Variants in OXNAD1 observed in about 807,000 individuals in gnomAD.
OXNAD1 encodes the protein oxidoreductase NAD-binding domain-containing protein 1.
OXNAD1 carries 34 observed loss-of-function variants against 32.9 expected under a neutral mutation model. That is an observed-to-expected ratio of 1.03 (90% confidence interval 0.79 to 1.38). The LOEUF is 1.38. Among genes scored for constraint, OXNAD1 ranks in the 40% most tolerant of loss-of-function variants. The pLI is 0.00. For missense variants in OXNAD1, 407 were observed against 379.4 expected (o/e 1.07, Z -0.60); for synonymous variants, 134 against 135.2 (o/e 0.99, Z 0.06).
At position 16,329,335 on chromosome 3, in the gene OXNAD1, G is replaced by C. The variant is rs897448943; in HGVS notation, c.*31-7777G>C. ...AGCACAAGTGGACCGAGACAGGGCG[G>C]AAGTGGAGAAAGGGAAAGGGAAAGA... is the stretch of plus-strand genomic sequence containing the variant. On this transcript the variant is annotated intron_variant, in intron 9 of 9. Coordinates refer to the OXNAD1 transcript ENST00000435829. This position sits in a 1 kb window ranked among gnomAD's most constrained non-coding sequence, Gnocchi z 4.5. Among the ~76,000 whole-genome samples, 1 of 147,860 alleles carries C rather than the reference G, an allele frequency of 6.8e-6. No individual in the cohort carries two copies.
chr3:16,344,501 C>A lies in OXNAD1; in HGVS notation c.*31-4675C>A, dbSNP rs1450855673. 6.6e-6 allele frequency among the ~76,000 whole-genome samples: 1 copy of A among 152,048 alleles called. No individual in the cohort carries two copies. The highest frequency in any genetic ancestry group is 1.5e-5 in the Non-Finnish European group (1 of 68,010). On this transcript the variant is annotated intron_variant, in intron 9 of 9. Coordinates refer to the OXNAD1 transcript ENST00000606098. This position sits in a 1 kb window ranked among gnomAD's most constrained non-coding sequence, Gnocchi z 4.4. ...CAGACCTGCCCTGGCCTTCTTCCCC[C>A]TCGCCCAACTAGAATGCTTTATGTG...
chr3:16,315,872 T>G (rs2068332907), intron 9 of OXNAD1: 1 of 152,238 alleles, frequency 6.6e-6, no homozygotes, highest in Non-Finnish European at 1.5e-5. Context: ...ATAGATGATT[T>G]ATTGCCGTAA....
rs564448640 is a variant in OXNAD1 at position 16,327,872 on chromosome 3, C to T, written c.*31-9240C>T. Among the ~76,000 whole-genome samples the T allele has an allele frequency of 6.6e-6, 1 of 152,224 alleles. No individual in the cohort carries two copies. The highest frequency in any genetic ancestry group is 1.5e-5 in the Non-Finnish European group (1 of 68,036). On this transcript the variant is annotated intron_variant, in intron 9 of 9. Coordinates refer to the OXNAD1 transcript ENST00000435829. The surrounding 1 kb of genome is among the most constrained non-coding windows in gnomAD (Gnocchi z 4.2). ...ACCTCTGCAGGCGTTCTCACTGCAA[C>T]AGGCCTCATTTCTTACTACGGGTTC...
chr3:16,271,173 C>G lies in OXNAD1; in HGVS notation c.119+102C>G, dbSNP rs1410188090. The stretch of plus-strand genomic sequence containing the variant: ...TATCAAACTCCCGGAAAGGTAACAC[C>G]TTAGCTTCAATGTGCATGCTGTCAG... On this transcript the variant is annotated intron_variant, in intron 3 of 8. Coordinates refer to ENST00000285083, the MANE Select transcript of OXNAD1 (RefSeq NM_138381.5). This position sits in a 1 kb window ranked among gnomAD's most constrained non-coding sequence, Gnocchi z 4.6. 1.5e-6 allele frequency: 2 copies of G among 1,365,382 alleles called. No homozygotes were observed. Among genetic ancestry groups the G allele is most frequent in the Admixed American group, 4.1e-5 (2 of 48,994 alleles). The allele number at this position is 1,365,382 out of a possible 1,614,324, so 84.6% of individuals were successfully genotyped here. A position where few individuals can be genotyped will look rare whatever the true frequency, so the allele number is the denominator to read the frequency against.
intron 9 of OXNAD1, among the ~76,000 whole-genome samples, chr3:16,326,241 G>A (rs1246333157): frequency 6.6e-6 from 1 of 152,244 alleles, no homozygotes; most frequent in Admixed American, 6.5e-5. Flanking sequence ...TATAAGGAAT[G>A]CCGCACCAAG....
At chr3:16,286,239 A>G in intron 4 of OXNAD1, 103 bp from the exon 5 acceptor site, 2 of 875,280 alleles carry the variant, frequency 2.3e-6, no homozygotes, top group Non-Finnish European at 3.7e-6. Context: ...TTCAAAAACC[A>G]CATCTTTGTA....
rs2068033877 is a variant in OXNAD1, at chr3:16,312,334, A to G, written c.*30+8742A>G. On this transcript the variant is annotated intron_variant, in intron 9 of 9. Coordinates refer to the OXNAD1 transcript ENST00000435829. This position sits in a 1 kb window ranked among gnomAD's most constrained non-coding sequence, Gnocchi z 4.7. Reference sequence around the variant, plus strand: ...GGTTTTGGCGGGTCATAGTGCAGGCAGAGCACTAATCACCAGGGGCCCACC... The same window carrying G: ...GGTTTTGGCGGGTCATAGTGCAGGCGGAGCACTAATCACCAGGGGCCCACC... 6.6e-6 allele frequency among the ~76,000 whole-genome samples: 1 copy of G among 152,192 alleles called. No homozygotes were observed. The highest frequency in any genetic ancestry group is 2.4e-5 in the African/African-American group (1 of 41,436).
chr3:16,273,989 A>T (rs1182099914), intron 4 of OXNAD1, among the ~76,000 whole-genome samples: 1 of 152,186 alleles, frequency 6.6e-6, no homozygotes, highest in East Asian at 1.9e-4. Context: ...TAAAATATAC[A>T]TAAGTGGGAA....
In OXNAD1 at chr3:16,269,209, A is replaced by T. The variant is rs2064762942; in HGVS notation, c.-75A>T. The stretch of plus-strand genomic sequence containing the variant: ...CCAAAAGTCTCAGTGTAATAGCAGG[A>T]CCAAAATATTCTGTCAATCAGCTGA... On this transcript the variant is annotated 5_prime_UTR_variant, in exon 2 of 9. Transcript: ENST00000285083. 10 of 1,534,198 alleles carry T rather than the reference A, an allele frequency of 6.5e-6. No homozygotes were observed. The highest frequency in any genetic ancestry group is 1.7e-4 in the Middle Eastern group (1 of 6,008).
intron 9 of OXNAD1, among the ~76,000 whole-genome samples, chr3:16,333,626 A>G (rs970113400): frequency 4.6e-5 from 7 of 152,234 alleles, no homozygotes; most frequent in African/African-American, 1.7e-4. Context: ...CTTAGAATCC[A>G]GAAACCAAAA....
intron 9 of OXNAD1, chr3:16,347,754 C>T (rs755745609): frequency 1.3e-5 from 2 of 152,306 alleles, no homozygotes; most frequent in South Asian, 4.1e-4. Flanking sequence ...GCACTGTAAG[C>T]ATTTTGTTTA....
chr3:16,324,511 G>A (rs913582465), intron 9 of OXNAD1, among the ~76,000 whole-genome samples: 3 of 151,628 alleles, frequency 2.0e-5, no homozygotes, highest in Non-Finnish European at 2.9e-5. Flanking sequence ...TAGATTCCAC[G>A]TATGAGAGAG....
Position 16,335,853 on chromosome 3 carries a change from CTGGA to C in OXNAD1, c.*31-1247_*31-1244del, listed in dbSNP as rs1274700621. Among the ~76,000 whole-genome samples, 5 of 151,362 alleles carry C rather than the reference CTGGA, an allele frequency of 3.3e-5. No homozygotes were observed. Among genetic ancestry groups the C allele is most frequent in the African/African-American group, 1.2e-4 (5 of 41,086 alleles). ...GGGCAAGTCACAAGGAGCCTGGAAA[CTGGA>C]TGGATGGATGGTGAGGTCTCAGGAG... is the stretch of plus-strand genomic sequence containing the variant. On this transcript the variant is annotated intron_variant, in intron 9 of 9. Transcript: ENST00000435829. This position sits in a 1 kb window ranked among gnomAD's most constrained non-coding sequence, Gnocchi z 4.7.
chr3:16,309,369 T>C (rs1378349296), downstream of OXNAD1, among the ~76,000 whole-genome samples: 5 of 152,232 alleles, frequency 3.3e-5, no homozygotes, highest in Admixed American at 6.5e-5. Context: ...CTAATCAGTT[T>C]ATATTCTAAC....
chr3:16,345,794 G>GTGTGTGTC lies in OXNAD1; in HGVS notation c.*31-3375_*31-3374insCTGTGTGT. ...AAAACCTTATAATAAATCTCTGTGT[G>GTGTGTGTC]TGTGTGTGTGTGTGTGTGTGTGTGC... On this transcript the variant is annotated intron_variant, in intron 9 of 9. Transcript: ENST00000606098. The surrounding 1 kb of genome is among the most constrained non-coding windows in gnomAD (Gnocchi z 5.2). Among the ~76,000 whole-genome samples the GTGTGTGTC allele has an allele frequency of 1.2e-5, 1 of 81,066 alleles. No homozygotes were observed. The highest frequency in any genetic ancestry group is 7.4e-5 in the African/African-American group (1 of 13,444). The allele number at this position is 81,066 out of a possible 152,430, so 53.2% of individuals were successfully genotyped here. A position where few individuals can be genotyped will look rare whatever the true frequency, so the allele number is the denominator to read the frequency against.
In OXNAD1 at chr3:16,316,846, A is replaced by G; in HGVS notation, c.*30+13254A>G. ...CCAAGACTCAGTTTTCTTCAACCGTACCAAGCTCTCTGACTTCCTCAGCAT... is the reference window on the plus strand; with the variant it reads ...CCAAGACTCAGTTTTCTTCAACCGTGCCAAGCTCTCTGACTTCCTCAGCAT... On this transcript the variant is annotated intron_variant, in intron 9 of 9. Coordinates refer to the OXNAD1 transcript ENST00000435829. The surrounding 1 kb of genome is among the most constrained non-coding windows in gnomAD (Gnocchi z 4.5). 6.2e-7 allele frequency: 1 copy of G among 1,614,078 alleles called. No homozygotes were observed. The highest frequency in any genetic ancestry group is 8.5e-7 in the Non-Finnish European group (1 of 1,180,012).
intron 4 of OXNAD1, among the ~76,000 whole-genome samples, chr3:16,279,344 T>G (rs902839297): frequency 6.6e-6 from 1 of 152,120 alleles, no homozygotes; most frequent in Admixed American, 6.5e-5. Flanking sequence ...TTCTGTGAGT[T>G]GAAGGCTACA....
At chr3:16,278,992 G>T (rs2065550523) in intron 4 of OXNAD1, among the ~76,000 whole-genome samples, 1 of 152,204 alleles carries the variant, frequency 6.6e-6, no homozygotes, top group African/African-American at 2.4e-5. Flanking sequence ...AGGAGATTGT[G>T]GTAGAGTGGT....
rs2066383231 is a variant in OXNAD1 at position 16,290,853 on chromosome 3, T to C, written c.291-4003T>C. 6.6e-6 allele frequency among the ~76,000 whole-genome samples: 1 copy of C among 152,134 alleles called. No homozygotes were observed. The highest frequency in any genetic ancestry group is 1.5e-5 in the Non-Finnish European group (1 of 68,036). On this transcript the variant is annotated intron_variant, in intron 5 of 8. Transcript: ENST00000285083. This position sits in a 1 kb window ranked among gnomAD's most constrained non-coding sequence, Gnocchi z 4.2. ...AGGTCATAGATCAGATTAGAGAACATCTTTTGCTTTTCTTTTAGGCCTGTA... is the reference window on the plus strand; with the variant it reads ...AGGTCATAGATCAGATTAGAGAACACCTTTTGCTTTTCTTTTAGGCCTGTA...
Sources: gnomAD v4.1 joint callset for allele counts (sites outside exome capture counted in the v4.1 genomes callset) on GRCh38, gnomAD v4.1.1 for gene constraint, Gnocchi (gnomAD v3.1) non-coding constraint, MANE v1.5 for transcripts, NCBI Gene and HGNC (gene_info 2026-07-23, HGNC 2026-07-21) for gene names.